The following RORA variants were observed in gnomAD, a reference collection of about 807,000 sequenced individuals.
RORA encodes RAR related orphan receptor A.
Under a neutral mutation model 69.5 loss-of-function variants are expected in RORA, and 7 were observed. The ratio of observed to expected loss-of-function variants is 0.10; its 90% CI spans 0.06 to 0.19. RORA has a LOEUF of 0.19. RORA is among the 10% of genes least tolerant of loss of function. The pLI is 1.00. For missense variants in RORA, 457 were observed against 663.0 expected (o/e 0.69, Z 3.41); for synonymous variants, 261 against 240.8 (o/e 1.08, Z -0.78).
At chr15:61,098,912 C>G (rs143576159) in intron 1 of RORA, among the ~76,000 whole-genome samples, 67 of 152,282 alleles carry the variant, frequency 4.4e-4, no homozygotes, top group African/African-American at 1.6e-3. Context: ...AATTCTCTTG[C>G]GTGTTCTACT....
At chr15:60,867,663 A>G (rs1053627638) in intron 1 of RORA, among the ~76,000 whole-genome samples, 8 of 152,144 alleles carry the variant, frequency 5.3e-5, no homozygotes, top group African/African-American at 1.9e-4. Flanking sequence ...AATGTGCTAA[A>G]TAATTAATAT....
intron 1 of RORA, among the ~76,000 whole-genome samples, chr15:60,807,235 T>A (rs979597900): frequency 6.6e-6 from 1 of 152,172 alleles, no homozygotes; most frequent in African/African-American, 2.4e-5. Flanking sequence ...AAAATTAATG[T>A]ACACATATCA....
At chr15:60,705,562 G>A (rs1299738529) in intron 1 of RORA, among the ~76,000 whole-genome samples, 1 of 152,170 alleles carries the variant, frequency 6.6e-6, no homozygotes, top group Non-Finnish European at 1.5e-5. Context: ...TTATGATAAA[G>A]GTCGAGACAA....
intron 1 of RORA, among the ~76,000 whole-genome samples, chr15:60,926,153 G>A (rs1261554606): frequency 6.6e-6 from 1 of 152,204 alleles, no homozygotes; most frequent in African/African-American, 2.4e-5. Flanking sequence ...CTATGGTTTT[G>A]GAGGCATCTC....
chr15:60,941,513 T>C (rs1347054172), intron 1 of RORA, among the ~76,000 whole-genome samples: 1 of 152,180 alleles, frequency 6.6e-6, no homozygotes, highest in Non-Finnish European at 1.5e-5. Context: ...AGTGCCATGG[T>C]CAACAGTGGG....
At position 60,998,823 on chromosome 15, in the gene RORA, A is replaced by C. The variant is rs532160935; in HGVS notation, c.166+230230T>G. Among the ~76,000 whole-genome samples, 4 of 152,320 alleles carry C rather than the reference A, an allele frequency of 2.6e-5. No individual in the cohort carries two copies. The South Asian group carries it at 8.3e-4, about 32-fold the overall frequency. ...ACCTACCCCTCTGTAGAATCTCGAA[A>C]CAACACCTCAGCATCCTGGGAGACT... On this transcript the variant is annotated intron_variant, in intron 1 of 10. Coordinates refer to ENST00000335670, the MANE Select transcript of RORA (RefSeq NM_134261.3).
intron 1 of RORA, among the ~76,000 whole-genome samples, chr15:60,715,692 C>T (rs2071210462): frequency 6.6e-6 from 1 of 152,108 alleles, no homozygotes; most frequent in Non-Finnish European, 1.5e-5. Flanking sequence ...CAGTAGTTTC[C>T]AAGAAAGTCA....
chr15:61,227,616 G>C (rs1311013004), intron 1 of RORA, among the ~76,000 whole-genome samples: 1 of 152,024 alleles, frequency 6.6e-6, no homozygotes, highest in African/African-American at 2.4e-5. Context: ...CACATGATCA[G>C]CCATATTCCT....
chr15:60,603,943 C>T (rs340030), intron 2 of RORA, among the ~76,000 whole-genome samples: 64,817 of 151,468 alleles, frequency 0.43, 14,111 homozygotes, highest in African/African-American at 0.51. Context: ...GAGACCAGCC[C>T]GGCCAACATG....
chr15:61,098,965 A>G (rs2078838187), intron 1 of RORA, among the ~76,000 whole-genome samples: 1 of 152,156 alleles, frequency 6.6e-6, no homozygotes, highest in African/African-American at 2.4e-5. Flanking sequence ...CTTGCAGGCA[A>G]CGTACGCTTC....
chr15:60,707,383 A>C (rs1368160201), intron 1 of RORA, among the ~76,000 whole-genome samples: 1 of 99,556 alleles, frequency 1.0e-5, no homozygotes, highest in African/African-American at 3.3e-5. Flanking sequence ...TATTTATTTG[A>C]GATGGAGTCT....
chr15:60,725,263 G>A (rs903168207), intron 1 of RORA, among the ~76,000 whole-genome samples: 3 of 151,824 alleles, frequency 2.0e-5, no homozygotes, highest in African/African-American at 7.3e-5. Context: ...CTCTCACATG[G>A]GTCTTTCTCT....
intron 1 of RORA, among the ~76,000 whole-genome samples, chr15:61,148,056 G>C (rs1479228087): frequency 4.6e-5 from 7 of 152,336 alleles, no homozygotes; most frequent in Non-Finnish European, 8.8e-5. Flanking sequence ...AGGGAACAAA[G>C]AGACCAATGA....
intron 1 of RORA, among the ~76,000 whole-genome samples, chr15:60,965,492 G>GTA (rs1260759754): frequency 6.6e-6 from 1 of 152,170 alleles, no homozygotes; most frequent in Non-Finnish European, 1.5e-5. Context: ...ATGCCTAACT[G>GTA]TATAATTACA....
chr15:61,033,414 A>AAACAAAAAC (rs144578320), intron 1 of RORA, among the ~76,000 whole-genome samples: 1 of 4,032 alleles, frequency 2.5e-4, no homozygotes, highest in Non-Finnish European at 1.1e-3. Flanking sequence ...TTCTGAAAAA[A>AAACAAAAAC]AAAACAAAAA....
intron 1 of RORA, among the ~76,000 whole-genome samples, chr15:60,973,006 A>AC (rs1893765383): frequency 6.6e-6 from 1 of 151,700 alleles, no homozygotes; most frequent in Non-Finnish European, 1.5e-5. Context: ...GAAAAAAAAA[A>AC]AACAATCAAT....
chr15:60,606,873 A>G (rs2140569090), intron 2 of RORA, among the ~76,000 whole-genome samples: 1 of 152,340 alleles, frequency 6.6e-6, no homozygotes, highest in South Asian at 2.1e-4. Context: ...AGAAAAGAAA[A>G]AAGAAAAGAA....
At chr15:61,211,495 C>T (rs529452290) in intron 1 of RORA, among the ~76,000 whole-genome samples, 3 of 152,306 alleles carry the variant, frequency 2.0e-5, no homozygotes, top group South Asian at 2.1e-4. Context: ...TTCCCAGTTT[C>T]GCCCACACCA....
At chr15:60,832,971 C>T (rs2073065540) in intron 1 of RORA, among the ~76,000 whole-genome samples, 1 of 151,950 alleles carries the variant, frequency 6.6e-6, no homozygotes, top group South Asian at 2.1e-4. Flanking sequence ...GTGGCGTGAT[C>T]TCGGCTCACT....
Sources: allele counts gnomAD v4.1 joint callset (sites outside exome capture counted in the v4.1 genomes callset), GRCh38; gene constraint gnomAD v4.1.1; transcripts MANE v1.5; gene names NCBI Gene and HGNC (gene_info 2026-07-23, HGNC 2026-07-21).